Variants in NPC1 observed in about 807,000 individuals in gnomAD.
The protein encoded by NPC1 is Niemann-Pick C1 protein.
In NPC1, 85 loss-of-function variants were observed where a neutral mutation model predicts 140.4. The observed-to-expected ratio is 0.61, with a 90% CI of 0.51 to 0.72. The LOEUF is 0.72. Among genes scored for constraint, NPC1 ranks in the 30% least tolerant of loss-of-function variants. NPC1 has a pLI of 0.00. For synonymous variants in NPC1, 656 were observed against 624.8 expected (o/e 1.05, Z -0.74); for missense variants, 1,504 against 1,623.8 (o/e 0.93, Z 1.27).
chr18:23,508,468 CTCTT>C (rs900275628), intron 3 of NPC1, among the ~76,000 whole-genome samples: 2 of 152,108 alleles, frequency 1.3e-5, no homozygotes, highest in African/African-American at 2.4e-5. Flanking sequence ...CTTGTCCTTA[CTCTT>C]TCTTTCTTCT....
intron 22 of NPC1, among the ~76,000 whole-genome samples, 181 bp downstream of exon 22, chr18:23,535,288 G>A (rs571678922): frequency 3.3e-5 from 5 of 152,024 alleles, no homozygotes; most frequent in Non-Finnish European, 4.4e-5. Context: ...CTCCCTCTAT[G>A]CCCTGTCCCA....
downstream of NPC1, chr18:23,528,896 TG>T: frequency 1.3e-5 from 4 of 299,106 alleles, no homozygotes; most frequent in Non-Finnish European, 2.5e-5. Flanking sequence ...TTTTTTTTTT[TG>T]AGACGGAGTT....
At chr18:23,516,987 A>G (rs2058025741) in intron 3 of NPC1, among the ~76,000 whole-genome samples, 1 of 151,952 alleles carries the variant, frequency 6.6e-6, no homozygotes, top group African/African-American at 2.4e-5. Context: ...TGGCTTCCCA[A>G]AGTGCTGGGA....
downstream of NPC1, chr18:23,529,922 C>T: frequency 8.6e-7 from 1 of 1,159,558 alleles, no homozygotes; most frequent in South Asian, 1.4e-5. Flanking sequence ...CTTGTAATGA[C>T]AGACTTTTAC....
intron 1 of NPC1, among the ~76,000 whole-genome samples, chr18:23,581,470 G>A (rs2059354805): frequency 6.6e-6 from 1 of 152,036 alleles, no homozygotes; most frequent in Non-Finnish European, 1.5e-5. Context: ...TACTAGCTAT[G>A]TGACCTTGGG....
In NPC1 at chr18:23,531,484, G is replaced by C; in HGVS notation, c.*718C>G. ...TTGTATTTGTCTCTCAAAGCAGATA[G>C]GGTAACCCCAAAACTTAGGAAAACA... On this transcript the variant is annotated 3_prime_UTR_variant, in exon 25 of 25. Coordinates refer to ENST00000269228, the MANE Select transcript of NPC1 (RefSeq NM_000271.5). 4.1e-6 allele frequency: 6 copies of C among 1,448,116 alleles called. No individual in the cohort carries two copies. The highest frequency in any genetic ancestry group is 5.4e-6 in the Non-Finnish European group (6 of 1,105,278). 89.7% of individuals were successfully genotyped at this position (1,448,116 alleles called of 1,614,324 possible).
At position 23,552,784 on chromosome 18, in the gene NPC1, C is replaced by T. The variant is rs189881566; in HGVS notation, c.1554-1057G>A. Among the ~76,000 whole-genome samples, 5 of 152,150 alleles carry T rather than the reference C, an allele frequency of 3.3e-5. 1 individual carries two copies. Among genetic ancestry groups the T allele is most frequent in the South Asian group, 4.1e-4 (2 of 4,828 alleles). ...ATGAGGGAGGTCAGGTGACCTGCAG[C>T]GAGCAGCTGAGTCCCTTCATCCACA... On this transcript the variant is annotated intron_variant, in intron 9 of 24. Coordinates refer to ENST00000269228, the MANE Select transcript of NPC1 (RefSeq NM_000271.5).
At chr18:23,535,899 C>T (rs1230008325) in intron 21 of NPC1, among the ~76,000 whole-genome samples, 199 bp from the exon 22 acceptor site, 1 of 152,054 alleles carries the variant, frequency 6.6e-6, no homozygotes, top group Non-Finnish European at 1.5e-5. Flanking sequence ...AAGGGCCCAG[C>T]AGTGATGCAA....
chr18:23,568,412 GC>G (rs1320542948), intron 4 of NPC1, among the ~76,000 whole-genome samples: 1 of 152,150 alleles, frequency 6.6e-6, no homozygotes, highest in Non-Finnish European at 1.5e-5. Flanking sequence ...TGTTAGACCT[GC>G]TGACTTTCCT....
rs556162692 is a variant in NPC1 at position 23,573,439 on chromosome 18, A to G, written c.180+13T>C. The G allele has an allele frequency of 1.2e-6, 2 of 1,614,156 alleles. No individual in the cohort carries two copies. The highest frequency in any genetic ancestry group is 3.3e-5 in the Admixed American group (2 of 60,036). On this transcript the variant is annotated intron_variant, in intron 2 of 24. Coordinates refer to ENST00000269228, the MANE Select transcript of NPC1 (RefSeq NM_000271.5). ...GCATTTTGTGTTCCCAGTGCCTAAGATAATGAACTTACCTGCACTAAGTCA... is the reference window on the plus strand; with the variant it reads ...GCATTTTGTGTTCCCAGTGCCTAAGGTAATGAACTTACCTGCACTAAGTCA...
At chr18:23,576,658 T>G (rs1599017894) in intron 1 of NPC1, 1 of 203,098 alleles carries the variant, frequency 4.9e-6, no homozygotes, top group Non-Finnish European at 8.8e-6. Flanking sequence ...GTTCAGATGT[T>G]TTCGGAGTTT....
intron 11 of NPC1, among the ~76,000 whole-genome samples, chr18:23,546,634 T>C (rs981585675): frequency 5.3e-5 from 8 of 152,184 alleles, no homozygotes; most frequent in African/African-American, 1.4e-4. Context: ...AGTTGATAAA[T>C]GCACACAATG....
downstream of NPC1, chr18:23,524,622 T>TTC: frequency 1.3e-6 from 1 of 778,562 alleles, no homozygotes; most frequent in Non-Finnish European, 2.1e-6. Context: ...TTTTTTTTTT[T>TTC]CACTTTATAC....
chr18:23,574,767 T>G (rs1472774620), intron 1 of NPC1, among the ~76,000 whole-genome samples: 1 of 152,208 alleles, frequency 6.6e-6, no homozygotes, highest in Non-Finnish European at 1.5e-5. Flanking sequence ...AGGGAAATTA[T>G]ACAAATAAGG....
rs578225571 is a variant in NPC1 at position 23,534,551 on chromosome 18, G to A, written c.3486C>T (p.Gly1162=). The A allele has an allele frequency of 2.5e-6, 4 of 1,613,352 alleles. No individual in the cohort carries two copies. In the South Asian group the frequency reaches 3.3e-5, roughly 13 times the overall value. ...VSLVNLVMSC[G]ISVEFCSHIT... is the part of the protein sequence containing the mutation. ...TGTGGCTGCAGAACTCCACGGAGAT[G>A]CCACAGCTCTGAAATAAAGCACTTC... The change falls in exon 23 of 25, where the codon GGC becomes GGT. Residue 1162 remains glycine (G), a synonymous_variant. Coordinates refer to ENST00000269228, the MANE Select transcript of NPC1 (RefSeq NM_000271.5).
intron 4 of NPC1, among the ~76,000 whole-genome samples, chr18:23,565,359 C>T (rs1228558344): frequency 1.3e-5 from 2 of 151,962 alleles, no homozygotes; most frequent in African/African-American, 4.8e-5. Context: ...TGTGTTTTTT[C>T]TGTTTTTCTT....
At chr18:23,544,304 T>G (rs910028145) in intron 13 of NPC1, 40 bp downstream of exon 13, 2 of 1,601,890 alleles carry the variant, frequency 1.2e-6, no homozygotes, top group East Asian at 4.5e-5. Context: ...TCCCTGAAAC[T>G]TGAACAGATG....
In NPC1 at chr18:23,532,067, C is replaced by T. The variant is rs1234088259; in HGVS notation, c.*135G>A. 1.9e-5 allele frequency: 31 copies of T among 1,603,962 alleles called. No homozygotes were observed. The highest frequency in any genetic ancestry group is 1.3e-4 in the East Asian group (6 of 44,590). Reference sequence around the variant, plus strand: ...TGCATTCCTGAGTTCACAGGCGCTACGTTCAAAGCTGCTGCCAAACAACCG... The same window carrying T: ...TGCATTCCTGAGTTCACAGGCGCTATGTTCAAAGCTGCTGCCAAACAACCG... On this transcript the variant is annotated 3_prime_UTR_variant, in exon 25 of 25. Transcript: ENST00000269228.
chr18:23,521,825 A>G (rs1222785555), downstream of NPC1, among the ~76,000 whole-genome samples: 2 of 151,842 alleles, frequency 1.3e-5, no homozygotes, highest in African/African-American at 2.4e-5. Context: ...GCAGATGGCC[A>G]CCTTCTCACT....
Sources: gnomAD v4.1 joint callset for allele counts (sites outside exome capture counted in the v4.1 genomes callset) on GRCh38, gnomAD v4.1.1 for gene constraint, MANE v1.5 for transcripts, NCBI Gene and HGNC (gene_info 2026-07-23, HGNC 2026-07-21) for gene names.